ASAH2: variants seen among roughly 807,000 people sequenced by gnomAD.
ASAH2 encodes N-acylsphingosine amidohydrolase 2.
In ASAH2, 58 loss-of-function variants were observed where a neutral mutation model predicts 82.9. The ratio of observed to expected loss-of-function variants is 0.70; its 90% CI spans 0.57 to 0.87. ASAH2 has a LOEUF of 0.87. ASAH2 is among the 40% of genes least tolerant of loss of function. The pLI, the probability that ASAH2 is intolerant of heterozygous loss-of-function variation, is 0.00. For missense variants in ASAH2, 779 were observed against 834.0 expected (o/e 0.93, Z 0.81); for synonymous variants, 276 against 289.7 (o/e 0.95, Z 0.48).
In ASAH2 at chr10:50,251,459, C is replaced by A. The variant is rs575461068; in HGVS notation, c.-101G>T. 5.3e-5 allele frequency among the ~76,000 whole-genome samples: 8 copies of A among 152,284 alleles called. No homozygotes were observed. The South Asian group carries it at 1.5e-3, about 28-fold the overall frequency. On this transcript the variant is annotated 5_prime_UTR_variant, in exon 1 of 21. Coordinates refer to ENST00000682911, the MANE Select transcript of ASAH2 (RefSeq NM_019893.4). ...AGCAAATGGCCATCCAGAATCCTGT[C>A]CCCTTTCCCCTTGCACGTTGCTGGG...
At chr10:50,199,234 T>G in intron 16 of ASAH2, 88 bp from the exon 17 acceptor site, 2 of 1,281,546 alleles carry the variant, frequency 1.6e-6, no homozygotes, top group Non-Finnish European at 2.3e-6. Context: ...GTGTGATGCT[T>G]GACATCTCAC....
intron 4 of ASAH2, 93 bp downstream of exon 4, chr10:50,243,109 G>C: frequency 4.2e-6 from 6 of 1,441,632 alleles, no homozygotes; most frequent in Non-Finnish European, 5.8e-6. Flanking sequence ...TTCACTGAAT[G>C]AGAAACCAAG....
At chr10:50,224,408 G>A (rs975816603) in intron 7 of ASAH2, among the ~76,000 whole-genome samples, 7 of 151,858 alleles carry the variant, frequency 4.6e-5, no homozygotes, top group African/African-American at 1.2e-4. Context: ...TATATGATTT[G>A]TAAGATTAAT....
At chr10:50,219,369 G>A (rs1396320806) in intron 7 of ASAH2, among the ~76,000 whole-genome samples, 1 of 152,120 alleles carries the variant, frequency 6.6e-6, no homozygotes, top group Non-Finnish European at 1.5e-5. Context: ...CTCTGCATAG[G>A]TGACCCAGAG....
In ASAH2 at chr10:50,211,150, G is replaced by A. The variant is rs946172442; in HGVS notation, c.1228-16C>T. On this transcript the variant is annotated splice_polypyrimidine_tract_variant and intron_variant, in intron 10 of 20. Coordinates refer to ENST00000682911, the MANE Select transcript of ASAH2 (RefSeq NM_019893.4). ...CATAGAGTTCCTAGAAAACACACAG[G>A]CTTATTATTCCAAGCAAAAAGGCTA... 7 of 1,580,708 alleles carry A rather than the reference G, an allele frequency of 4.4e-6. No individual in the cohort carries two copies. Among genetic ancestry groups the A allele is most frequent in the South Asian group, 2.2e-5 (2 of 90,436 alleles).
intron 4 of ASAH2, among the ~76,000 whole-genome samples, chr10:50,239,322 G>A (rs2133228956): frequency 6.6e-6 from 1 of 152,222 alleles, no homozygotes; most frequent in African/African-American, 2.4e-5. Context: ...AACTAAGTGG[G>A]TTCATTTAAC....
intron 7 of ASAH2, among the ~76,000 whole-genome samples, chr10:50,229,560 T>C (rs1845975507): frequency 6.6e-6 from 1 of 152,134 alleles, no homozygotes. Flanking sequence ...CAACCCAAGT[T>C]TGAAACACTT....
intron 8 of ASAH2, among the ~76,000 whole-genome samples, chr10:50,217,657 G>A (rs1462497310): frequency 6.6e-6 from 1 of 152,156 alleles, no homozygotes; most frequent in Admixed American, 6.6e-5. Context: ...ACAGAATCAT[G>A]AGCCAAAATA....
chr10:50,215,561 T>C (rs1209453443), intron 8 of ASAH2, among the ~76,000 whole-genome samples: 2 of 152,244 alleles, frequency 1.3e-5, no homozygotes, highest in Non-Finnish European at 2.9e-5. Flanking sequence ...CAGGGGATCC[T>C]TTCCCTATTG....
chr10:50,239,488 T>A (rs979865834), intron 4 of ASAH2, among the ~76,000 whole-genome samples: 2 of 152,180 alleles, frequency 1.3e-5, no homozygotes, highest in Non-Finnish European at 2.9e-5. Context: ...CTTTTATTTC[T>A]GCTAATGACC....
At chr10:50,240,947 A>T (rs1846277749) in intron 4 of ASAH2, among the ~76,000 whole-genome samples, 1 of 152,206 alleles carries the variant, frequency 6.6e-6, no homozygotes, top group African/African-American at 2.4e-5. Flanking sequence ...TGCTTGATGA[A>T]TAGAACAGGG....
rs1038693698 is a variant in ASAH2, at chr10:50,203,666, G to A, written c.1639C>T (p.Arg547Ter). The change falls in exon 15 of 21, where the codon CGA becomes TGA. Residue 547 changes from arginine (R) to a stop codon, truncating the protein, a stop_gained. Coordinates refer to ENST00000682911, the MANE Select transcript of ASAH2 (RefSeq NM_019893.4). LOFTEE classifies it high-confidence loss of function. ...IPGEFTTMSG[R>*]RLREAVQAEF... Reference sequence around the variant, plus strand: ...GCTTGAACTGCCTCTCGAAGTCTTCGTCCAGACATGGTCCTGAGTCAAGAA... The same window carrying A: ...GCTTGAACTGCCTCTCGAAGTCTTCATCCAGACATGGTCCTGAGTCAAGAA... 74 of 1,612,158 alleles carry A rather than the reference G, an allele frequency of 4.6e-5. No homozygotes were observed. The highest frequency in any genetic ancestry group is 5.3e-5 in the Non-Finnish European group (63 of 1,178,742).
intron 7 of ASAH2, among the ~76,000 whole-genome samples, chr10:50,226,425 T>G (rs1845886270): frequency 6.6e-6 from 1 of 152,154 alleles, no homozygotes; most frequent in Non-Finnish European, 1.5e-5. Flanking sequence ...CTCCACACGA[T>G]TTTTTGACTT....
rs1272393049 is a variant in ASAH2, at chr10:50,211,175, A to G, written c.1228-41T>C. 13 of 1,403,104 alleles carry G rather than the reference A, an allele frequency of 9.3e-6. No individual in the cohort carries two copies. In the South Asian group the frequency reaches 1.4e-4, roughly 15 times the overall value. 86.9% of individuals were successfully genotyped at this position (1,403,104 alleles called of 1,614,324 possible). ...GCTTATTATTCCAAGCAAAAAGGCT[A>G]AAGTGATCATCTCCAACTGTACTCA... On this transcript the variant is annotated intron_variant, in intron 10 of 20. Transcript: ENST00000682911.
intron 7 of ASAH2, among the ~76,000 whole-genome samples, chr10:50,220,271 G>T (rs1352303032): frequency 1.3e-5 from 2 of 152,114 alleles, no homozygotes; most frequent in African/African-American, 4.8e-5. Context: ...TTTATCTGAT[G>T]AAGATAAATA....
intron 7 of ASAH2, among the ~76,000 whole-genome samples, chr10:50,219,997 A>C (rs1353396382): frequency 3.3e-5 from 5 of 152,196 alleles, no homozygotes; most frequent in Non-Finnish European, 5.9e-5. Context: ...GTATTTATCA[A>C]CTTTAAAATT....
chr10:50,240,364 G>C (rs1677998426), intron 4 of ASAH2: 2 of 687,870 alleles, frequency 2.9e-6, no homozygotes, highest in Admixed American at 2.1e-5. Flanking sequence ...GATGATTACT[G>C]TTTTCTTAAC....
chr10:50,204,128 T>C (rs1393797769), intron 14 of ASAH2, among the ~76,000 whole-genome samples: 3 of 151,912 alleles, frequency 2.0e-5, no homozygotes, highest in African/African-American at 7.2e-5. Flanking sequence ...TGTAGGAGCT[T>C]GCAAGTTTGA....
At chr10:50,218,697 T>C in intron 7 of ASAH2, 67 bp from the exon 8 acceptor site, 2 of 1,592,346 alleles carry the variant, frequency 1.3e-6, no homozygotes, top group East Asian at 2.2e-5. Context: ...GAACTATGAC[T>C]GGGAGCTTAA....
Sources: allele counts gnomAD v4.1 joint callset (sites outside exome capture counted in the v4.1 genomes callset), GRCh38; gene constraint gnomAD v4.1.1; transcripts MANE v1.5; gene names NCBI Gene and HGNC (gene_info 2026-07-23, HGNC 2026-07-21).